ESRRG: variants seen among roughly 807,000 people sequenced by gnomAD.
ESRRG encodes estrogen related receptor gamma.
Under a neutral mutation model 44.0 loss-of-function variants are expected in ESRRG, and 13 were observed. The observed-to-expected ratio is 0.30, with a 90% CI of 0.19 to 0.47. ESRRG has a LOEUF of 0.47. Among genes scored for constraint, ESRRG ranks in the 20% least tolerant of loss-of-function variants. ESRRG has a pLI of 1.00. For missense variants in ESRRG, 395 were observed against 580.6 expected (o/e 0.68, Z 3.29); for synonymous variants, 215 against 214.6 (o/e 1.00, Z -0.02).
chr1:216,943,027 A>G (rs1257383472), intron 1 of ESRRG, among the ~76,000 whole-genome samples: 2 of 147,310 alleles, frequency 1.4e-5, no homozygotes. Context: ...CCAACTAATT[A>G]TTAAGATTGG....
At chr1:216,809,325 TAA>T (rs201618241) in intron 2 of ESRRG, among the ~76,000 whole-genome samples, 49,071 of 119,294 alleles carry the variant, frequency 0.41, 9,460 homozygotes, top group Admixed American at 0.47. Flanking sequence ...TTTTTTACAG[TAA>T]AAAAAAAAAA....
chr1:216,887,893 G>C (rs1218391221), intron 2 of ESRRG, among the ~76,000 whole-genome samples: 1 of 152,090 alleles, frequency 6.6e-6, no homozygotes, highest in Admixed American at 6.5e-5. Context: ...GTCTCCTGGT[G>C]ACAAAAAGGA....
chr1:216,611,581 C>T (rs751879190), intron 3 of ESRRG, among the ~76,000 whole-genome samples: 15 of 152,052 alleles, frequency 9.9e-5, no homozygotes, highest in South Asian at 8.3e-4. Flanking sequence ...TCAGTATTGA[C>T]GGAACATGAA....
chr1:216,636,520 G>A (rs1335022032), intron 3 of ESRRG, among the ~76,000 whole-genome samples: 1 of 152,178 alleles, frequency 6.6e-6, no homozygotes, highest in Non-Finnish European at 1.5e-5. Flanking sequence ...TGCTTCTCTG[G>A]CCCATTAGCT....
At chr1:216,791,561 A>G (rs1300990574) in intron 2 of ESRRG, among the ~76,000 whole-genome samples, 1 of 152,120 alleles carries the variant, frequency 6.6e-6, no homozygotes, top group African/African-American at 2.4e-5. Flanking sequence ...CATCACTTTA[A>G]TTTCTCAGAC....
intron 3 of ESRRG, among the ~76,000 whole-genome samples, chr1:216,613,081 G>A (rs998952090): frequency 6.6e-5 from 10 of 152,234 alleles, no homozygotes; most frequent in African/African-American, 1.9e-4. Flanking sequence ...TTTTTGTTTG[G>A]TTTGTGGAGT....
chr1:217,111,979 A>G lies in ESRRG; in HGVS notation c.-230+25688T>C, dbSNP rs547782882. Reference sequence around the variant, plus strand: ...GACATTCCCTCTTATAATGCAGCCAATGCCACAGAGAGAAGCCATATGGAG... The same window carrying G: ...GACATTCCCTCTTATAATGCAGCCAGTGCCACAGAGAGAAGCCATATGGAG... On this transcript the variant is annotated intron_variant, in intron 1 of 8. Transcript: ENST00000366940. Among the ~76,000 whole-genome samples, 27 of 152,274 alleles carry G rather than the reference A, an allele frequency of 1.8e-4. No individual in the cohort carries two copies. In the South Asian group the frequency reaches 3.7e-3, roughly 21 times the overall value.
intron 1 of ESRRG, among the ~76,000 whole-genome samples, chr1:217,084,752 A>C (rs1580505940): frequency 6.6e-6 from 1 of 152,342 alleles, no homozygotes; most frequent in East Asian, 1.9e-4. Flanking sequence ...ATACACCATA[A>C]GAAACAGCCA....
chr1:216,986,504 A>C (rs1483657683), intron 1 of ESRRG, among the ~76,000 whole-genome samples: 1 of 152,096 alleles, frequency 6.6e-6, no homozygotes, highest in Non-Finnish European at 1.5e-5. Context: ...TCTTGAGGCC[A>C]GGAGTCAACC....
At chr1:216,968,743 TG>T (rs2071000851) in intron 1 of ESRRG, among the ~76,000 whole-genome samples, 1 of 151,446 alleles carries the variant, frequency 6.6e-6, no homozygotes, top group Non-Finnish European at 1.5e-5. Flanking sequence ...ATCCATGGGT[TG>T]ATATCCACAG....
chr1:216,780,646 G>T (rs1206599925), intron 2 of ESRRG, among the ~76,000 whole-genome samples: 1 of 151,978 alleles, frequency 6.6e-6, no homozygotes, highest in African/African-American at 2.4e-5. Flanking sequence ...GGTTCCAGAT[G>T]ATTCTCCTTT....
At chr1:216,776,340 G>T (rs1377912866) in intron 2 of ESRRG, among the ~76,000 whole-genome samples, 1 of 151,958 alleles carries the variant, frequency 6.6e-6, no homozygotes, top group Non-Finnish European at 1.5e-5. Context: ...ACTTAACCTA[G>T]TGTCCTTCAG....
At chr1:216,828,880 A>G (rs912025733) in intron 2 of ESRRG, among the ~76,000 whole-genome samples, 2 of 152,118 alleles carry the variant, frequency 1.3e-5, no homozygotes, top group African/African-American at 4.8e-5. Flanking sequence ...ATTTATAATA[A>G]TTGATCATGG....
chr1:216,628,642 G>A (rs1317513182), intron 3 of ESRRG, among the ~76,000 whole-genome samples: 1 of 152,140 alleles, frequency 6.6e-6, no homozygotes, highest in African/African-American at 2.4e-5. Flanking sequence ...AACAAGTCTA[G>A]GCATACCCTA....
chr1:217,093,784 A>G (rs75177662), upstream of ESRRG, among the ~76,000 whole-genome samples: 5 of 142,034 alleles, frequency 3.5e-5, 1 homozygote, highest in Non-Finnish European at 7.7e-5. Flanking sequence ...CCCCTGTCTC[A>G]AAAAAAAAAA....
chr1:217,026,740 C>T (rs1186941112), intron 1 of ESRRG, among the ~76,000 whole-genome samples: 1 of 152,040 alleles, frequency 6.6e-6, no homozygotes, highest in South Asian at 2.1e-4. Context: ...ACACAAATAG[C>T]CTACAGTGCC....
chr1:217,037,340 A>G (rs534005862), intron 1 of ESRRG, among the ~76,000 whole-genome samples: 15 of 152,328 alleles, frequency 9.8e-5, no homozygotes, highest in South Asian at 2.1e-4. Flanking sequence ...ACAGTTCCAC[A>G]TGGCAGGGGA....
rs566320720 is a variant in ESRRG at position 217,081,551 on chromosome 1, T to C, written c.-106+7956A>G. 7.9e-5 allele frequency among the ~76,000 whole-genome samples: 12 copies of C among 152,216 alleles called. No homozygotes were observed. The South Asian group carries it at 1.7e-3, about 21-fold the overall frequency. On this transcript the variant is annotated intron_variant, in intron 1 of 7. Transcript: ENST00000359162. Reference sequence around the variant, plus strand: ...CAAAAATATTCCTAAAAGACATATGTATGGTATCTAGAACTTGGATTTCAA... The same window carrying C: ...CAAAAATATTCCTAAAAGACATATGCATGGTATCTAGAACTTGGATTTCAA...
At chr1:216,936,193 G>T (rs2064123711) in intron 2 of ESRRG, among the ~76,000 whole-genome samples, 1 of 152,004 alleles carries the variant, frequency 6.6e-6, no homozygotes, top group South Asian at 2.1e-4. Context: ...GGGCAACAAA[G>T]AACAAATATA....
Sources: allele counts gnomAD v4.1 joint callset (sites outside exome capture counted in the v4.1 genomes callset), GRCh38; gene constraint gnomAD v4.1.1; transcripts MANE v1.5; gene names NCBI Gene and HGNC (gene_info 2026-07-23, HGNC 2026-07-21).